The following M1AP variants were observed in gnomAD, a reference collection of about 807,000 sequenced individuals.
The protein encoded by M1AP is meiosis 1 associated protein.
In M1AP, 39 loss-of-function variants were observed where a neutral mutation model predicts 51.2. The observed-to-expected ratio is 0.76, with a 90% CI of 0.59 to 1.00. The LOEUF (loss-of-function observed/expected upper bound fraction) is 1.00, where lower values mean the gene tolerates loss of function less well. Among genes scored for constraint, M1AP ranks in the 50% least tolerant of loss-of-function variants. The probability of loss-of-function intolerance (pLI) is 0.00; values close to 1 mark genes in which losing one functional copy is unlikely to be tolerated. For synonymous variants in M1AP, 251 were observed against 249.2 expected (o/e 1.01, Z -0.07); for missense variants, 545 against 641.2 (o/e 0.85, Z 1.62).
At chr2:74,593,093 T>C (rs1026309139) in intron 4 of M1AP, among the ~76,000 whole-genome samples, 1 of 152,160 alleles carries the variant, frequency 6.6e-6, no homozygotes, top group Admixed American at 6.5e-5. Context: ...ATTTGCCAAG[T>C]AAAGCAGTGC....
chr2:74,564,773 T>C (rs1443819498), intron 7 of M1AP, among the ~76,000 whole-genome samples: 1 of 152,184 alleles, frequency 6.6e-6, no homozygotes, highest in Non-Finnish European at 1.5e-5. Flanking sequence ...TGTTTAAGCC[T>C]GGAAGGGATA....
Position 74,576,634 on chromosome 2 carries a change from A to T in M1AP, c.770-16T>A. ...TTCAGACACACTACAATAAAAGGAG[A>T]TTACATTTCAGACACACTACAATTG... On this transcript the variant is annotated splice_polypyrimidine_tract_variant and intron_variant, in intron 5 of 10. Transcript: ENST00000421985. 1 of 1,613,382 alleles carries T rather than the reference A, an allele frequency of 6.2e-7. No individual in the cohort carries two copies. The highest frequency in any genetic ancestry group is 8.5e-7 in the Non-Finnish European group (1 of 1,179,392).
intron 8 of M1AP, among the ~76,000 whole-genome samples, chr2:74,560,792 C>T (rs931899761): frequency 6.6e-6 from 1 of 152,074 alleles, no homozygotes; most frequent in African/African-American, 2.4e-5. Flanking sequence ...GTGCCAGGAA[C>T]CACTGGCCCC....
intron 7 of M1AP, among the ~76,000 whole-genome samples, chr2:74,573,793 CA>C (rs974690182): frequency 6.6e-6 from 1 of 151,962 alleles, no homozygotes; most frequent in Non-Finnish European, 1.5e-5. Context: ...ACATTCCCAG[CA>C]AAAGGAAAGG....
intron 2 of M1AP, among the ~76,000 whole-genome samples, chr2:74,617,711 G>C (rs1272279287): frequency 6.6e-6 from 1 of 152,144 alleles, no homozygotes; most frequent in Admixed American, 6.6e-5. Context: ...TTTTAAGAGT[G>C]TCTGGGAAAA....
At chr2:74,643,657 A>C (rs904710543) in intron 1 of M1AP, among the ~76,000 whole-genome samples, 6 of 147,824 alleles carry the variant, frequency 4.1e-5, no homozygotes, top group Non-Finnish European at 5.9e-5. Context: ...GCAGTGGCCC[A>C]ATCTCAGCTC....
chr2:74,612,225 GTTTGTT>G (rs1681409056), intron 3 of M1AP, among the ~76,000 whole-genome samples: 1 of 151,598 alleles, frequency 6.6e-6, no homozygotes, highest in Non-Finnish European at 1.5e-5. Flanking sequence ...TTATGTTTTT[GTTTGTT>G]TTTAAGAGAC....
In M1AP at chr2:74,562,439, A is replaced by G; in HGVS notation, c.1075-16T>C. On this transcript the variant is annotated splice_polypyrimidine_tract_variant and intron_variant, in intron 7 of 10. Transcript: ENST00000421985. ...ATTCCCTTTTCTGAAACAAGGACAT[A>G]CAGAAATACTGGTTCATCTTTAGTC... The G allele has an allele frequency of 3.7e-6, 6 of 1,613,854 alleles. No individual in the cohort carries two copies. The highest frequency in any genetic ancestry group is 5.1e-6 in the Non-Finnish European group (6 of 1,179,812).
At chr2:74,586,507 C>A (rs1679718524) in intron 4 of M1AP, among the ~76,000 whole-genome samples, 1 of 152,232 alleles carries the variant, frequency 6.6e-6, no homozygotes, top group East Asian at 1.9e-4. Context: ...GAATTCAACT[C>A]AGGACTGACT....
chr2:74,626,208 T>A (rs1455940009), intron 2 of M1AP, among the ~76,000 whole-genome samples: 1 of 152,186 alleles, frequency 6.6e-6, no homozygotes, highest in Middle Eastern at 3.4e-3. Context: ...TTCCCTTATA[T>A]CTTATAGGTA....
At chr2:74,637,530 T>C (rs1683053530) in intron 2 of M1AP, among the ~76,000 whole-genome samples, 1 of 152,192 alleles carries the variant, frequency 6.6e-6, no homozygotes, top group Admixed American at 6.5e-5. Flanking sequence ...TGCTACATAG[T>C]TTTGTATTTC....
intron 4 of M1AP, among the ~76,000 whole-genome samples, chr2:74,605,201 C>T (rs2104695043): frequency 6.6e-6 from 1 of 152,276 alleles, no homozygotes; most frequent in South Asian, 2.1e-4. Context: ...AATGCATATA[C>T]TGTTTTACCT....
At chr2:74,628,243 A>G (rs571264338) in intron 2 of M1AP, 6 of 239,186 alleles carry the variant, frequency 2.5e-5, no homozygotes, top group East Asian at 1.1e-4. Context: ...TGAGACATCA[A>G]ATAAGCTCCA....
At chr2:74,603,430 ATT>A (rs1331976853) in intron 4 of M1AP, among the ~76,000 whole-genome samples, 3 of 152,224 alleles carry the variant, frequency 2.0e-5, no homozygotes, top group African/African-American at 7.2e-5. Context: ...ATGCTATATA[ATT>A]AAGTGCTAAA....
chr2:74,627,548 TA>T (rs1682471353), intron 2 of M1AP, among the ~76,000 whole-genome samples: 1 of 152,152 alleles, frequency 6.6e-6, no homozygotes, highest in South Asian at 2.1e-4. Flanking sequence ...GTTTTAGTGG[TA>T]AAAGATAGAT....
intron 4 of M1AP, among the ~76,000 whole-genome samples, chr2:74,589,576 C>T (rs1420933257): frequency 6.6e-6 from 1 of 152,224 alleles, no homozygotes; most frequent in African/African-American, 2.4e-5. Context: ...TAAGGTGCCA[C>T]ATGTCCCAGC....
chr2:74,625,192 T>C (rs774563370), intron 2 of M1AP, among the ~76,000 whole-genome samples: 1 of 152,230 alleles, frequency 6.6e-6, no homozygotes, highest in Non-Finnish European at 1.5e-5. Flanking sequence ...TATTTTCATG[T>C]CTCAATGTCA....
At chr2:74,630,163 C>G (rs769100637) in intron 2 of M1AP, among the ~76,000 whole-genome samples, 1 of 151,996 alleles carries the variant, frequency 6.6e-6, no homozygotes, top group Non-Finnish European at 1.5e-5. Flanking sequence ...TCTTGAACTC[C>G]TGGGCTTATG....
Position 74,622,142 on chromosome 2 carries a change from T to A in M1AP, c.241-6993A>T, listed in dbSNP as rs868257322. On this transcript the variant is annotated intron_variant, in intron 2 of 10. Coordinates refer to ENST00000421985, the MANE Select transcript of M1AP (RefSeq NM_001321739.2). ...CTCAAAATTAAAAAAAAAGACAATA[T>A]AAAAAATTCAATAAATTTTTATATT... is the stretch of plus-strand genomic sequence containing the variant. 6.6e-4 allele frequency among the ~76,000 whole-genome samples: 101 copies of A among 152,072 alleles called. 2 individuals carry two copies. Among genetic ancestry groups the A allele is most frequent in the African/African-American group, 2.4e-3 (99 of 41,508 alleles).
Sources: gnomAD v4.1 joint callset for allele counts (sites outside exome capture counted in the v4.1 genomes callset) on GRCh38, gnomAD v4.1.1 for gene constraint, MANE v1.5 for transcripts, NCBI Gene and HGNC (gene_info 2026-07-23, HGNC 2026-07-21) for gene names.